The following SPOP variants were observed in gnomAD, a reference collection of about 807,000 sequenced individuals.
SPOP encodes speckle type BTB/POZ protein.
SPOP carries 11 observed loss-of-function variants against 45.6 expected under a neutral mutation model. That is an observed-to-expected ratio of 0.24 (90% CI 0.15 to 0.40). SPOP has a LOEUF of 0.40. Ranked by LOEUF, SPOP falls within the 10% of genes least tolerant of loss-of-function variation. SPOP has a pLI of 1.00. For missense variants in SPOP, 152 were observed against 465.6 expected (o/e 0.33, Z 6.20); for synonymous variants, 166 against 166.3 (o/e 1.00, Z 0.01).
intron 1 of SPOP, chr17:49,636,673 G>C (rs2072548226): frequency 6.6e-6 from 1 of 152,092 alleles, no homozygotes; most frequent in Non-Finnish European, 1.5e-5. Flanking sequence ...ATTTTTAAAA[G>C]TCATGGTAAA....
chr17:49,600,678 A>C lies in SPOP; in HGVS notation c.981-156T>G. The C allele has an allele frequency of 1.3e-6, 1 of 762,230 alleles. No homozygotes were observed. The allele number at this position is 762,230 out of a possible 1,614,324, so 47.2% of individuals were successfully genotyped here. ...ATATGCATAAGAATTTGCTTGTTAG[A>C]CAATGAGCAGACTGGTGACTTGCCT... On this transcript the variant is annotated intron_variant, in intron 9 of 9. Coordinates refer to ENST00000504102, the MANE Select transcript of SPOP (RefSeq NM_001007228.2). The surrounding 1 kb of genome is among the most constrained non-coding windows in gnomAD (Gnocchi z 4.2).
At chr17:49,604,635 G>C (rs1240955152) in intron 8 of SPOP, among the ~76,000 whole-genome samples, 9 of 152,032 alleles carry the variant, frequency 5.9e-5, no homozygotes, top group Non-Finnish European at 1.2e-4. Context: ...TTTCTCACAG[G>C]GTCTACTGCT....
rs5820770 is a variant in SPOP at position 49,600,005 on chromosome 17, C to CT, written c.*372dup. The CT allele has an allele frequency of 0.026, 5,530 of 213,156 alleles. 17 individuals are homozygous for CT. The highest frequency in any genetic ancestry group is 0.034 in the Non-Finnish European group (3,687 of 108,918). The allele number at this position is 213,156 out of a possible 1,614,324, so 13.2% of individuals were successfully genotyped here. ...CTTCTGTTAAAACTCAATGTCCTTT[C>CT]TTTTTTTTTTTTCCTTTTTGCTCCA... On this transcript the variant is annotated 3_prime_UTR_variant, in exon 10 of 10. Coordinates refer to ENST00000504102, the MANE Select transcript of SPOP (RefSeq NM_001007228.2). The surrounding 1 kb of genome is among the most constrained non-coding windows in gnomAD (Gnocchi z 4.2).
At chr17:49,637,781 A>AT (rs1162889978) in intron 1 of SPOP, among the ~76,000 whole-genome samples, 3 of 152,268 alleles carry the variant, frequency 2.0e-5, no homozygotes, top group Non-Finnish European at 1.5e-5. Context: ...AAGAATTATT[A>AT]TAAGTTTTTA....
intron 1 of SPOP, among the ~76,000 whole-genome samples, chr17:49,665,441 C>T (rs934798518): frequency 1.3e-5 from 2 of 151,630 alleles, no homozygotes; most frequent in Non-Finnish European, 2.9e-5. Flanking sequence ...AGTGAAACCC[C>T]GTCTCTACTA....
At chr17:49,648,233 G>T (rs2094380022) in intron 1 of SPOP, among the ~76,000 whole-genome samples, 1 of 152,190 alleles carries the variant, frequency 6.6e-6, no homozygotes, top group African/African-American at 2.4e-5. Flanking sequence ...AGCAGCCACA[G>T]TGAGCTTTTA....
At chr17:49,607,651 C>T (rs1307213437) in intron 7 of SPOP, among the ~76,000 whole-genome samples, 3 of 152,130 alleles carry the variant, frequency 2.0e-5, no homozygotes, top group Non-Finnish European at 4.4e-5. Context: ...TCTAAATACC[C>T]TCACCCAAAA....
At chr17:49,605,068 T>C (rs1297156952) in intron 8 of SPOP, among the ~76,000 whole-genome samples, 2 of 152,232 alleles carry the variant, frequency 1.3e-5, no homozygotes, top group Admixed American at 1.3e-4. Flanking sequence ...TCTGTTGATA[T>C]TTCACCTTAT....
intron 8 of SPOP, among the ~76,000 whole-genome samples, chr17:49,606,364 C>T (rs2143147278): frequency 6.6e-6 from 1 of 152,128 alleles, no homozygotes; most frequent in East Asian, 1.9e-4. Context: ...CTATGTTGCC[C>T]AGGCTGGCCT....
chr17:49,645,891 A>C (rs1353519340), intron 1 of SPOP, among the ~76,000 whole-genome samples: 1 of 147,966 alleles, frequency 6.8e-6, no homozygotes, highest in African/African-American at 2.5e-5. Flanking sequence ...TTTTCCTTCC[A>C]TTATCTCACT....
intron 1 of SPOP, among the ~76,000 whole-genome samples, chr17:49,661,805 G>T (rs992008128): frequency 6.6e-6 from 1 of 152,154 alleles, no homozygotes; most frequent in Admixed American, 6.5e-5. Context: ...CCTGAAGTCG[G>T]GAGTTCAAGA....
chr17:49,599,072 A>C lies in SPOP; in HGVS notation c.*1306T>G, dbSNP rs2143086740. On this transcript the variant is annotated 3_prime_UTR_variant, in exon 10 of 10. Coordinates refer to ENST00000504102, the MANE Select transcript of SPOP (RefSeq NM_001007228.2). ...CCCTCATCAGGATATGGACTGTGAG[A>C]TACTCAGGGAGGACAAGAGACTGGC... 4.8e-6 allele frequency: 1 copy of C among 206,980 alleles called. No individual in the cohort carries two copies. Among genetic ancestry groups the C allele is most frequent in the Non-Finnish European group, 9.9e-6 (1 of 101,032 alleles). The allele number at this position is 206,980 out of a possible 1,614,324, so 12.8% of individuals were successfully genotyped here.
intron 8 of SPOP, among the ~76,000 whole-genome samples, chr17:49,605,936 C>T (rs1475767451): frequency 1.3e-5 from 2 of 150,792 alleles, no homozygotes; most frequent in African/African-American, 2.4e-5. Context: ...TGCAGTGAGC[C>T]GAGATCGTGC....
At chr17:49,624,331 G>GCACACAAACACACACACACA in intron 1 of SPOP, among the ~76,000 whole-genome samples, 1 of 149,308 alleles carries the variant, frequency 6.7e-6, no homozygotes, top group Non-Finnish European at 1.5e-5. Context: ...GCGCGCGCGC[G>GCACACAAACACACACACACA]CACACACACA....
At chr17:49,648,341 C>T (rs555474607) in intron 1 of SPOP, among the ~76,000 whole-genome samples, 1 of 152,310 alleles carries the variant, frequency 6.6e-6, no homozygotes, top group African/African-American at 2.4e-5. Context: ...GCCCATTATA[C>T]CAAATTCATC....
intron 1 of SPOP, among the ~76,000 whole-genome samples, chr17:49,634,777 C>T (rs999897672): frequency 1.3e-5 from 2 of 152,114 alleles, no homozygotes; most frequent in Admixed American, 6.6e-5. Flanking sequence ...TAACATGATT[C>T]GGCTATGGAA....
intron 1 of SPOP, among the ~76,000 whole-genome samples, chr17:49,651,894 C>G (rs2072847198): frequency 6.6e-6 from 1 of 152,062 alleles, no homozygotes; most frequent in African/African-American, 2.4e-5. Flanking sequence ...TGGCGGGCGC[C>G]TGTAATCCCA....
chr17:49,649,240 T>C (rs769204559), intron 1 of SPOP, among the ~76,000 whole-genome samples: 98 of 152,196 alleles, frequency 6.4e-4, no homozygotes, highest in Middle Eastern at 3.4e-3. Flanking sequence ...CTTTAATTGA[T>C]AGAAAGTAAA....
chr17:49,623,280 TTA>T (rs1319345320), intron 1 of SPOP, among the ~76,000 whole-genome samples: 2 of 152,128 alleles, frequency 1.3e-5, no homozygotes, highest in African/African-American at 4.8e-5. Context: ...AGTGCTGAGA[TTA>T]CAGGCGTGAG....
Sources: gnomAD v4.1 joint callset for allele counts (sites outside exome capture counted in the v4.1 genomes callset) on GRCh38, gnomAD v4.1.1 for gene constraint, Gnocchi (gnomAD v3.1) non-coding constraint, MANE v1.5 for transcripts, NCBI Gene and HGNC (gene_info 2026-07-23, HGNC 2026-07-21) for gene names.